The following GPC5 variants were observed in gnomAD, a reference collection of about 807,000 sequenced individuals.
The protein encoded by GPC5 is glypican-5.
GPC5 carries 47 observed loss-of-function variants against 53.9 expected under a neutral mutation model. The observed-to-expected ratio is 0.87, with a 90% confidence interval of 0.69 to 1.11. The LOEUF is 1.11. GPC5 is among the 50% of genes most tolerant of loss of function. GPC5 has a pLI of 0.00. For missense variants in GPC5, 748 were observed against 713.1 expected (o/e 1.05, Z -0.56); for synonymous variants, 286 against 263.3 (o/e 1.09, Z -0.84).
At chr13:92,619,923 A>T (rs1884817007) in intron 7 of GPC5, among the ~76,000 whole-genome samples, 1 of 152,086 alleles carries the variant, frequency 6.6e-6, no homozygotes, top group Admixed American at 6.6e-5. Context: ...GTTTAACCAT[A>T]TCACTAATCT....
At chr13:91,759,933 G>T (rs1251281200) in intron 5 of GPC5, among the ~76,000 whole-genome samples, 1 of 152,054 alleles carries the variant, frequency 6.6e-6, no homozygotes, top group Non-Finnish European at 1.5e-5. Flanking sequence ...TATTGGTTCT[G>T]CATAGAGTAT....
chr13:92,295,411 T>G (rs9523617), intron 7 of GPC5, among the ~76,000 whole-genome samples: 44,672 of 151,910 alleles, frequency 0.29, 6,672 homozygotes, highest in Middle Eastern at 0.48. Flanking sequence ...TTTTTAAAAT[T>G]TATTGAGGCT....
chr13:92,562,329 T>C (rs1292196995), intron 7 of GPC5, among the ~76,000 whole-genome samples: 1 of 152,058 alleles, frequency 6.6e-6, no homozygotes, highest in African/African-American at 2.4e-5. Flanking sequence ...AAGAAGTCTG[T>C]GTTCTCCTTC....
intron 1 of GPC5, among the ~76,000 whole-genome samples, chr13:91,432,450 A>G (rs7982915): frequency 0.011 from 1,650 of 152,308 alleles, 28 homozygotes; most frequent in African/African-American, 0.037. Context: ...GTGGTTTTGT[A>G]TGAACATTAA....
chr13:91,863,794 C>A (rs1018768565), intron 5 of GPC5, among the ~76,000 whole-genome samples: 1 of 152,100 alleles, frequency 6.6e-6, no homozygotes, highest in Admixed American at 6.6e-5. Context: ...CCCTTTTGGA[C>A]ACAAACCCAG....
At chr13:91,778,593 A>G (rs891536774) in intron 5 of GPC5, among the ~76,000 whole-genome samples, 7 of 152,312 alleles carry the variant, frequency 4.6e-5, no homozygotes, top group African/African-American at 1.7e-4. Flanking sequence ...TAAAATTCTC[A>G]GGTGGCTCCC....
chr13:91,445,758 A>C (rs1319734432), intron 1 of GPC5, among the ~76,000 whole-genome samples: 1 of 152,172 alleles, frequency 6.6e-6, no homozygotes, highest in Non-Finnish European at 1.5e-5. Flanking sequence ...TACAGGCATG[A>C]GCCACCATGC....
intron 7 of GPC5, among the ~76,000 whole-genome samples, chr13:92,164,949 A>T (rs1161309943): frequency 6.6e-6 from 1 of 152,226 alleles, no homozygotes; most frequent in African/African-American, 2.4e-5. Context: ...CAATGGCCTG[A>T]GCTGTACGTT....
At chr13:92,242,915 T>C (rs943493916) in intron 7 of GPC5, among the ~76,000 whole-genome samples, 1 of 152,326 alleles carries the variant, frequency 6.6e-6, no homozygotes, top group South Asian at 2.1e-4. Context: ...AATTTCTTAC[T>C]ATTATACATT....
chr13:92,409,874 C>T (rs940512228), intron 7 of GPC5, among the ~76,000 whole-genome samples: 3 of 152,104 alleles, frequency 2.0e-5, no homozygotes, highest in Admixed American at 6.5e-5. Flanking sequence ...TTAAATACTG[C>T]CACAGAGCAA....
intron 6 of GPC5, among the ~76,000 whole-genome samples, chr13:92,038,367 GATAGATAGATAGATAGGTAGA>G (rs1566406859): frequency 7.5e-6 from 1 of 133,062 alleles, no homozygotes; most frequent in African/African-American, 2.9e-5. Context: ...TAGATAGATA[GATAGATAGATAGATAGGTAGA>G]TAGATAGATC....
chr13:91,819,029 T>A (rs891501749), intron 5 of GPC5, among the ~76,000 whole-genome samples: 1 of 151,882 alleles, frequency 6.6e-6, no homozygotes, highest in Non-Finnish European at 1.5e-5. Flanking sequence ...GACAGCGTAA[T>A]GAAACATCCC....
chr13:91,618,768 A>G (rs1265223482), intron 2 of GPC5, among the ~76,000 whole-genome samples: 1 of 152,068 alleles, frequency 6.6e-6, no homozygotes, highest in Non-Finnish European at 1.5e-5. Flanking sequence ...GGCACTGGGC[A>G]AATGATTGAA....
At chr13:92,731,501 G>A (rs1462697465) in intron 7 of GPC5, among the ~76,000 whole-genome samples, 1 of 151,406 alleles carries the variant, frequency 6.6e-6, no homozygotes, top group Non-Finnish European at 1.5e-5. Context: ...ACAGATGGGG[G>A]AGAATTAAGA....
At chr13:92,683,618 T>G (rs1275699503) in intron 7 of GPC5, among the ~76,000 whole-genome samples, 2 of 152,222 alleles carry the variant, frequency 1.3e-5, no homozygotes, top group African/African-American at 4.8e-5. Flanking sequence ...TTTCTATTAA[T>G]TTATAATTAC....
At chr13:92,116,308 T>C (rs1225908935) in intron 6 of GPC5, among the ~76,000 whole-genome samples, 2 of 151,372 alleles carry the variant, frequency 1.3e-5, no homozygotes, top group Non-Finnish European at 2.9e-5. Context: ...ATGGGGGGGA[T>C]TGGGAACTCA....
At chr13:92,763,439 T>G (rs932064957) in intron 7 of GPC5, among the ~76,000 whole-genome samples, 1 of 152,084 alleles carries the variant, frequency 6.6e-6, no homozygotes, top group African/African-American at 2.4e-5. Flanking sequence ...GCAGTGTAGG[T>G]TGTTGGGGTG....
chr13:92,761,504 C>A (rs1160756184), intron 7 of GPC5, among the ~76,000 whole-genome samples: 1 of 152,142 alleles, frequency 6.6e-6, no homozygotes, highest in African/African-American at 2.4e-5. Context: ...GTCTTTAATT[C>A]AAAGTCTATT....
At chr13:92,153,274 A>T (rs1786126234) in intron 7 of GPC5, among the ~76,000 whole-genome samples, 2 of 152,222 alleles carry the variant, frequency 1.3e-5, no homozygotes, top group African/African-American at 4.8e-5. Context: ...GATTACAGGC[A>T]TGTGCTACCA....
Sources: gnomAD v4.1 joint callset for allele counts (sites outside exome capture counted in the v4.1 genomes callset) on GRCh38, gnomAD v4.1.1 for gene constraint, MANE v1.5 for transcripts, NCBI Gene and HGNC (gene_info 2026-07-23, HGNC 2026-07-21) for gene names.